PACRG: variants seen among roughly 807,000 people sequenced by gnomAD.
The protein encoded by PACRG is parkin coregulated, also known as parkin coregulated gene protein.
A neutral mutation model predicts 29.7 loss-of-function variants in PACRG; 29 were observed. The observed-to-expected ratio is 0.98, with a 90% CI of 0.73 to 1.33. The LOEUF is 1.33. Among genes scored for constraint, PACRG ranks in the 40% most tolerant of loss-of-function variants. The probability of loss-of-function intolerance (pLI) is 0.00; values close to 1 mark genes in which losing one functional copy is unlikely to be tolerated. For synonymous variants in PACRG, 116 were observed against 118.7 expected (o/e 0.98, Z 0.15); for missense variants, 279 against 316.2 (o/e 0.88, Z 0.89).
rs903597205 is a variant in PACRG at position 162,728,324 on chromosome 6, C to T, written c.89C>T (p.Pro30Leu). 61 of 1,613,854 alleles carry T rather than the reference C, an allele frequency of 3.8e-5. No individual in the cohort carries two copies. The highest frequency in any genetic ancestry group is 5.0e-5 in the Non-Finnish European group (59 of 1,180,024). ...AAGCTGCTGGCACAACAGCCGCTCCCGGTGCACCAGCCTCACTCTCTGGTT... is the reference window on the plus strand; with the variant it reads ...AAGCTGCTGGCACAACAGCCGCTCCTGGTGCACCAGCCTCACTCTCTGGTT... ...RTKLLAQQPL[P>L]VHQPHSLVSE... The change falls in exon 1 of 5, where the codon CCG (proline) becomes CTG (leucine). Residue 30 changes from proline to leucine, a missense_variant. Pro to Leu is a moderately conservative substitution (Grantham distance 98, BLOSUM62 -3). Coordinates refer to ENST00000366888, the MANE Select transcript of PACRG (RefSeq NM_001080379.2).
chr6:162,823,516 CT>C (rs545819014), intron 2 of PACRG, among the ~76,000 whole-genome samples: 213 of 142,678 alleles, frequency 1.5e-3, no homozygotes, highest in East Asian at 1.8e-3. Flanking sequence ...CTTTTCTCTT[CT>C]TTTTTTTTTT....
intron 4 of PACRG, among the ~76,000 whole-genome samples, chr6:163,273,732 T>C (rs1783924968): frequency 6.6e-6 from 1 of 152,166 alleles, no homozygotes; most frequent in Non-Finnish European, 1.5e-5. Flanking sequence ...AATTAGATAT[T>C]GGCTCATATA....
intron 2 of PACRG, among the ~76,000 whole-genome samples, chr6:162,949,562 A>G (rs1799497177): frequency 6.6e-6 from 1 of 151,996 alleles, no homozygotes; most frequent in Non-Finnish European, 1.5e-5. Context: ...GATACTATAA[A>G]TACCCTAGCT....
intron 4 of PACRG, among the ~76,000 whole-genome samples, chr6:163,216,704 A>T (rs1400506857): frequency 6.6e-6 from 1 of 152,204 alleles, no homozygotes; most frequent in Non-Finnish European, 1.5e-5. Context: ...CACACAACGC[A>T]GAGATACAAC....
chr6:163,126,555 A>G (rs1816522471), intron 4 of PACRG, among the ~76,000 whole-genome samples: 1 of 152,240 alleles, frequency 6.6e-6, no homozygotes, highest in South Asian at 2.1e-4. Context: ...TCTGACACCC[A>G]GTGTTTCAAG....
At chr6:163,096,502 A>C (rs2128308762) in intron 4 of PACRG, among the ~76,000 whole-genome samples, 1 of 150,712 alleles carries the variant, frequency 6.6e-6, no homozygotes, top group East Asian at 2.0e-4. Context: ...TGAGGCGCAA[A>C]GGCTCCGGCT....
chr6:163,131,335 A>G (rs912336553), intron 4 of PACRG, among the ~76,000 whole-genome samples: 21 of 151,602 alleles, frequency 1.4e-4, no homozygotes, highest in Admixed American at 2.0e-4. Context: ...AAAAAAAAAA[A>G]AAGAAGAAGA....
chr6:162,814,308 C>T (rs756196692), intron 2 of PACRG, 27 bp downstream of exon 2: 1 of 1,609,342 alleles, frequency 6.2e-7, no homozygotes, highest in Non-Finnish European at 8.5e-7. Flanking sequence ...CTGTGCCGGC[C>T]AGCTGCACCC....
At chr6:162,926,746 C>G (rs9458670) in intron 2 of PACRG, among the ~76,000 whole-genome samples, 1 of 152,028 alleles carries the variant, frequency 6.6e-6, no homozygotes, top group African/African-American at 2.4e-5. Flanking sequence ...TAGGCATGAT[C>G]AAAGGTTTTA....
intron 4 of PACRG, among the ~76,000 whole-genome samples, chr6:163,299,476 G>A (rs1287980175): frequency 1.3e-5 from 2 of 152,116 alleles, no homozygotes; most frequent in Admixed American, 6.5e-5. Context: ...CGGAGTTGGC[G>A]TCCTCGAGGC....
chr6:162,778,334 G>T (rs573629038), intron 1 of PACRG, among the ~76,000 whole-genome samples: 3 of 152,198 alleles, frequency 2.0e-5, no homozygotes, highest in African/African-American at 7.2e-5. Flanking sequence ...AATTTGATTT[G>T]TTCCTGTGGT....
chr6:163,218,987 G>A (rs777241227), intron 4 of PACRG, among the ~76,000 whole-genome samples: 4 of 152,200 alleles, frequency 2.6e-5, no homozygotes, highest in African/African-American at 4.8e-5. Context: ...CGCTTACTCC[G>A]CATAGAAGGT....
chr6:163,272,058 A>T (rs942984506), intron 4 of PACRG, among the ~76,000 whole-genome samples: 1 of 141,630 alleles, frequency 7.1e-6, no homozygotes, highest in Non-Finnish European at 1.5e-5. Flanking sequence ...TTTTTTTTCA[A>T]GATGGAGTCT....
At chr6:162,738,937 C>T (rs1015597486) in intron 1 of PACRG, among the ~76,000 whole-genome samples, 15 of 152,120 alleles carry the variant, frequency 9.9e-5, no homozygotes, top group African/African-American at 1.9e-4. Flanking sequence ...CATTCTCATA[C>T]TGAGGGTCCG....
Position 162,747,392 on chromosome 6 carries a change from A to ATATATATG in PACRG, c.156+19008_156+19009insGTATATAT, listed in dbSNP as rs1554271474. On this transcript the variant is annotated intron_variant, in intron 1 of 4. Coordinates refer to ENST00000366888, the MANE Select transcript of PACRG (RefSeq NM_001080379.2). ...CATACATATATATGTATATATATGT[A>ATATATATG]TATATATATGTATATATATATATAA... 5.2e-4 allele frequency among the ~76,000 whole-genome samples: 17 copies of ATATATATG among 32,854 alleles called. No homozygotes were observed. In the East Asian group the frequency reaches 9.1e-3, roughly 18 times the overall value. The allele number at this position is 32,854 out of a possible 152,430, so 21.6% of individuals were successfully genotyped here. A position where few individuals can be genotyped will look rare whatever the true frequency, so the allele number is the denominator to read the frequency against.
chr6:162,822,890 T>G (rs963739386), intron 2 of PACRG, among the ~76,000 whole-genome samples: 2 of 151,528 alleles, frequency 1.3e-5, no homozygotes, highest in African/African-American at 4.8e-5. Context: ...TATTATAACA[T>G]GTATTATAAC....
chr6:163,163,408 A>T (rs985554433), intron 4 of PACRG, among the ~76,000 whole-genome samples: 1 of 152,144 alleles, frequency 6.6e-6, no homozygotes, highest in African/African-American at 2.4e-5. Context: ...AGTAGCTGGG[A>T]TTACAGGCAA....
chr6:163,062,095 C>T (rs1811141924), intron 2 of PACRG, 55 bp from the exon 3 acceptor site: 9 of 1,577,974 alleles, frequency 5.7e-6, no homozygotes, highest in East Asian at 2.2e-5. Context: ...GCTTGTCTGC[C>T]GTGCTCTGCC....
At chr6:163,100,893 T>C in intron 4 of PACRG, 1 of 984,644 alleles carries the variant, frequency 1.0e-6, no homozygotes, top group Non-Finnish European at 1.2e-6. Context: ...TTCTGTATTA[T>C]ATTCTCATGT....
Sources: allele counts gnomAD v4.1 joint callset (sites outside exome capture counted in the v4.1 genomes callset), GRCh38; gene constraint gnomAD v4.1.1; transcripts MANE v1.5; gene names NCBI Gene and HGNC (gene_info 2026-07-23, HGNC 2026-07-21).